CYTH3: variants seen among roughly 807,000 people sequenced by gnomAD.
The protein encoded by CYTH3 is cytohesin 3, also known as cytohesin-3.
CYTH3 carries 23 observed loss-of-function variants against 55.1 expected under a neutral mutation model. That is an observed-to-expected ratio of 0.42 (90% CI 0.30 to 0.59). CYTH3 has a LOEUF of 0.59. CYTH3 is among the 20% of genes least tolerant of loss of function. The pLI is 0.20. For missense variants in CYTH3, 413 were observed against 524.8 expected, an observed-to-expected ratio of 0.79 and a Z score of 2.08; for synonymous variants, 249 against 194.9, an observed-to-expected ratio of 1.28 and a Z score of -2.31.
At chr7:6,223,132 G>C (rs552582654) in intron 1 of CYTH3, among the ~76,000 whole-genome samples, 1 of 152,156 alleles carries the variant, frequency 6.6e-6, no homozygotes, top group African/African-American at 2.4e-5. Context: ...TCTGGGAGGC[G>C]AGGAGCGCCT....
chr7:6,216,774 C>T (rs893947176), intron 1 of CYTH3, among the ~76,000 whole-genome samples: 1 of 146,792 alleles, frequency 6.8e-6, no homozygotes, highest in Non-Finnish European at 1.5e-5. Flanking sequence ...TACACACATA[C>T]ACATACATAC....
At chr7:6,197,193 C>CTAAG (rs1031844504) in intron 1 of CYTH3, among the ~76,000 whole-genome samples, 10 of 152,092 alleles carry the variant, frequency 6.6e-5, no homozygotes, top group African/African-American at 2.4e-4. Context: ...CCTTAAGGCC[C>CTAAG]TAAGGAGTTG....
At chr7:6,245,251 G>A (rs1031180226) in intron 1 of CYTH3, among the ~76,000 whole-genome samples, 2 of 152,070 alleles carry the variant, frequency 1.3e-5, no homozygotes, top group African/African-American at 4.8e-5. Context: ...TAGGTTTTGA[G>A]TTGTTTGTAG....
intron 4 of CYTH3, 39 bp downstream of exon 4, chr7:6,187,011 C>A (rs1583760194): frequency 6.3e-7 from 1 of 1,593,552 alleles, no homozygotes; most frequent in Non-Finnish European, 8.6e-7. Flanking sequence ...TCAATTAGTC[C>A]ATCTCCTGCA....
chr7:6,239,661 T>C (rs985065753), intron 1 of CYTH3, among the ~76,000 whole-genome samples: 1 of 152,130 alleles, frequency 6.6e-6, no homozygotes, highest in African/African-American at 2.4e-5. Context: ...AGTAAGATAA[T>C]TTGCTAAGCA....
intron 5 of CYTH3, among the ~76,000 whole-genome samples, chr7:6,177,136 G>A (rs149888219): frequency 5.3e-5 from 8 of 152,278 alleles, no homozygotes; most frequent in Admixed American, 2.0e-4. Flanking sequence ...ATTTTCTAGC[G>A]GTGTCTTTGG....
intron 6 of CYTH3, chr7:6,173,173 G>C: frequency 5.0e-6 from 3 of 601,250 alleles, no homozygotes; most frequent in Non-Finnish European, 6.4e-6. Context: ...CAGAGCAGGA[G>C]GAAGACAACG....
At chr7:6,256,972 C>T (rs977227249) in intron 1 of CYTH3, among the ~76,000 whole-genome samples, 3 of 152,172 alleles carry the variant, frequency 2.0e-5, no homozygotes, top group Non-Finnish European at 4.4e-5. Context: ...AAAACTGAAA[C>T]ATCCTAGTAA....
chr7:6,255,758 GTTTTTTT>G (rs397889923), intron 1 of CYTH3, among the ~76,000 whole-genome samples: 2 of 89,418 alleles, frequency 2.2e-5, no homozygotes, highest in Admixed American at 1.3e-4. Flanking sequence ...CCTTTAATCT[GTTTTTTT>G]TTTTTTTTTT....
chr7:6,165,666 G>A, intron 10 of CYTH3, 50 bp from the exon 11 acceptor site: 1 of 1,613,084 alleles, frequency 6.2e-7, no homozygotes, highest in Non-Finnish European at 8.5e-7. Context: ...ACCAGCCTGA[G>A]GGTCCCTCGG....
chr7:6,179,834 CA>C (rs1414995070), intron 4 of CYTH3, among the ~76,000 whole-genome samples: 2 of 131,536 alleles, frequency 1.5e-5, no homozygotes, highest in Non-Finnish European at 3.3e-5. Context: ...ACACGCACAC[CA>C]CATACACCAC....
rs1181196098 is a variant in CYTH3 at position 6,233,652 on chromosome 7, T to C, written c.34+38822A>G. Among the ~76,000 whole-genome samples the C allele has an allele frequency of 3.8e-5, 5 of 130,268 alleles. No homozygotes were observed. In the South Asian group the frequency reaches 7.1e-4, roughly 19 times the overall value. The allele number at this position is 130,268 out of a possible 152,430, so 85.5% of individuals were successfully genotyped here. A position where few individuals can be genotyped will look rare whatever the true frequency, so the allele number is the denominator to read the frequency against. ...GCCTGGGTGACAGAGCGAGACTCCATCTCAAAAAAAAAAAAAAAAAAAATT... is the reference window on the plus strand; with the variant it reads ...GCCTGGGTGACAGAGCGAGACTCCACCTCAAAAAAAAAAAAAAAAAAAATT... On this transcript the variant is annotated intron_variant, in intron 1 of 12. Transcript: ENST00000350796.
chr7:6,211,104 G>C (rs1784310025), intron 1 of CYTH3, among the ~76,000 whole-genome samples: 1 of 152,132 alleles, frequency 6.6e-6, no homozygotes, highest in Non-Finnish European at 1.5e-5. Context: ...TTCCTCACCT[G>C]AGCCTATAGT....
Position 6,170,892 on chromosome 7 carries a change from G to T in CYTH3, c.649C>A (p.Arg217=). ...HNVRDKPTAE[R]FIAMNRGINE... ...ATGCCGCGGTTCATGGCGATGAACCGTTCTGCCGTGGGCTTGTCACGCACG... is the reference window on the plus strand; with the variant it reads ...ATGCCGCGGTTCATGGCGATGAACCTTTCTGCCGTGGGCTTGTCACGCACG... Residue 217 remains arginine (R), a synonymous_variant, in exon 8 of 13, where the codon CGG becomes AGG. Transcript: ENST00000350796. This position sits in a 1 kb window ranked among gnomAD's most constrained non-coding sequence, Gnocchi z 7.8. 1 of 1,613,876 alleles carries T rather than the reference G, an allele frequency of 6.2e-7. No individual in the cohort carries two copies. The highest frequency in any genetic ancestry group is 1.3e-5 in the African/African-American group (1 of 75,062).
At chr7:6,193,245 A>T (rs1043499195) in intron 1 of CYTH3, among the ~76,000 whole-genome samples, 2 of 152,100 alleles carry the variant, frequency 1.3e-5, no homozygotes, top group African/African-American at 4.8e-5. Context: ...TGGGCTGATA[A>T]AAGGATGTCA....
intron 1 of CYTH3, among the ~76,000 whole-genome samples, chr7:6,270,840 A>C (rs550274662): frequency 3.3e-4 from 50 of 152,264 alleles, no homozygotes; most frequent in African/African-American, 1.2e-3. Flanking sequence ...AAGACCTGCA[A>C]ATTGCTGGAG....
At position 6,190,488 on chromosome 7, in the gene CYTH3, G is replaced by A; in HGVS notation, c.78C>T (p.Asp26=). Residue 26 remains aspartate, a synonymous_variant, in exon 2 of 13, where the codon GAC becomes GAT. Transcript: ENST00000350796. ...LSLEEREELL[D]IRRRKKELID... ...TAAGTTCCTTTTTTCTTCGACGAATGTCTAGAAGTTCTTCTCTCTCTTCTA... is the reference window on the plus strand; with the variant it reads ...TAAGTTCCTTTTTTCTTCGACGAATATCTAGAAGTTCTTCTCTCTCTTCTA... 5.4e-6 allele frequency: 8 copies of A among 1,470,280 alleles called. No homozygotes were observed. Among genetic ancestry groups the A allele is most frequent in the Non-Finnish European group, 7.2e-6 (8 of 1,113,726 alleles). The allele number at this position is 1,470,280 out of a possible 1,614,324, so 91.1% of individuals were successfully genotyped here.
intron 1 of CYTH3, among the ~76,000 whole-genome samples, chr7:6,270,134 G>C (rs1332468708): frequency 6.6e-6 from 1 of 152,170 alleles, no homozygotes; most frequent in Non-Finnish European, 1.5e-5. Context: ...TAACTGTAAA[G>C]AGGTATGTTA....
intron 1 of CYTH3, among the ~76,000 whole-genome samples, chr7:6,249,389 A>T (rs1321534169): frequency 1.3e-5 from 2 of 152,250 alleles, no homozygotes; most frequent in Non-Finnish European, 2.9e-5. Flanking sequence ...AAATTTGCTT[A>T]TGGGTAAAAT....
Sources: allele counts gnomAD v4.1 joint callset (sites outside exome capture counted in the v4.1 genomes callset), GRCh38; gene constraint gnomAD v4.1.1; non-coding constraint Gnocchi (gnomAD v3.1); transcripts MANE v1.5; gene names NCBI Gene and HGNC (gene_info 2026-07-23, HGNC 2026-07-21).